Variants in CCBE1 observed in about 807,000 individuals in gnomAD.
CCBE1 encodes collagen and calcium-binding EGF domain-containing protein 1.
Under a neutral mutation model 50.0 loss-of-function variants are expected in CCBE1, and 37 were observed. That is an observed-to-expected ratio of 0.74 (90% CI 0.57 to 0.97). The LOEUF (loss-of-function observed/expected upper bound fraction) is 0.97, where lower values mean the gene tolerates loss of function less well. CCBE1 is among the 50% of genes least tolerant of loss of function. The pLI, the probability that CCBE1 is intolerant of heterozygous loss-of-function variation, is 0.00. For missense variants in CCBE1, 538 were observed against 523.8 expected (o/e 1.03, Z -0.26); for synonymous variants, 234 against 203.7 (o/e 1.15, Z -1.27).
At chr18:59,655,961 C>T (rs560451441) in intron 2 of CCBE1, among the ~76,000 whole-genome samples, 1 of 152,338 alleles carries the variant, frequency 6.6e-6, no homozygotes, top group South Asian at 2.1e-4. Context: ...TTTCACAAAC[C>T]TGTAAATAAC....
chr18:59,467,487 G>A (rs867658281), intron 4 of CCBE1, among the ~76,000 whole-genome samples: 1 of 152,096 alleles, frequency 6.6e-6, no homozygotes, highest in Middle Eastern at 3.2e-3. Flanking sequence ...GTCTTCCCCA[G>A]GAAATTTCTG....
rs74332071 is a variant in CCBE1, at chr18:59,454,207, T to C, written c.654+644A>G. The stretch of plus-strand genomic sequence containing the variant: ...AGGCACATGTATTCCCTAAGGCACA[T>C]AGATTATTTCCATAATCTATGGACT... On this transcript the variant is annotated intron_variant, in intron 6 of 10. Transcript: ENST00000439986. Among the ~76,000 whole-genome samples, 1,760 of 152,302 alleles carry C rather than the reference T, an allele frequency of 0.012. 119 individuals are homozygous for C. In the East Asian group the frequency reaches 0.21, roughly 18 times the overall value.
chr18:59,562,720 G>A (rs1258474565), intron 2 of CCBE1, among the ~76,000 whole-genome samples: 1 of 152,118 alleles, frequency 6.6e-6, no homozygotes, highest in African/African-American at 2.4e-5. Flanking sequence ...TGAACTACTG[G>A]CACACCCCCT....
At chr18:59,489,541 G>A (rs928696719) in intron 2 of CCBE1, among the ~76,000 whole-genome samples, 3 of 152,076 alleles carry the variant, frequency 2.0e-5, no homozygotes, top group African/African-American at 7.2e-5. Context: ...AGTCTCCCAA[G>A]TAGCTGGGAT....
chr18:59,498,853 A>G (rs537696081), intron 2 of CCBE1, among the ~76,000 whole-genome samples: 2 of 152,312 alleles, frequency 1.3e-5, no homozygotes, highest in Admixed American at 6.5e-5. Flanking sequence ...CCTTTCAGTT[A>G]TATTATTAAC....
chr18:59,576,628 T>C (rs1039436802), intron 2 of CCBE1, among the ~76,000 whole-genome samples: 2 of 152,194 alleles, frequency 1.3e-5, no homozygotes, highest in African/African-American at 4.8e-5. Flanking sequence ...TTTTGCTGCC[T>C]CCCCTACAAC....
At chr18:59,483,679 A>G (rs554132056) in intron 2 of CCBE1, among the ~76,000 whole-genome samples, 30 of 152,344 alleles carry the variant, frequency 2.0e-4, no homozygotes, top group African/African-American at 7.2e-4. Context: ...GGTAACAGAA[A>G]TTCTGAAGCA....
chr18:59,569,657 G>C (rs767874138), intron 2 of CCBE1, among the ~76,000 whole-genome samples: 1 of 151,622 alleles, frequency 6.6e-6, no homozygotes, highest in Admixed American at 6.6e-5. Flanking sequence ...AAGAGACAGG[G>C]TCTTGCTCTG....
chr18:59,504,766 C>A (rs1196507690), intron 2 of CCBE1, among the ~76,000 whole-genome samples: 1 of 152,164 alleles, frequency 6.6e-6, no homozygotes, highest in African/African-American at 2.4e-5. Flanking sequence ...ATTCTGCCCA[C>A]CCTTCAGATT....
intron 2 of CCBE1, among the ~76,000 whole-genome samples, chr18:59,505,895 T>A (rs1356607604): frequency 6.6e-6 from 1 of 152,144 alleles, no homozygotes; most frequent in Non-Finnish European, 1.5e-5. Context: ...ATTAGGGTAA[T>A]TTAAAGAAGG....
intron 2 of CCBE1, among the ~76,000 whole-genome samples, chr18:59,647,542 C>G (rs188540500): frequency 2.0e-3 from 297 of 152,222 alleles, no homozygotes; most frequent in Admixed American, 3.7e-3. Context: ...AGGCTTATTC[C>G]TAACAACTGG....
intron 2 of CCBE1, among the ~76,000 whole-genome samples, chr18:59,639,155 C>A (rs1016112301): frequency 6.6e-6 from 1 of 152,130 alleles, no homozygotes; most frequent in Non-Finnish European, 1.5e-5. Context: ...CACCTGCAGT[C>A]CCAGGAGTGG....
intron 2 of CCBE1, among the ~76,000 whole-genome samples, chr18:59,582,229 C>A (rs1188438032): frequency 6.6e-6 from 1 of 152,148 alleles, no homozygotes; most frequent in East Asian, 1.9e-4. Context: ...TTCACCGCCA[C>A]CTCTCCCCCG....
chr18:59,434,641 TAAATC>T lies in CCBE1; in HGVS notation c.*1262_*1266del, dbSNP rs1343048900. The T allele has an allele frequency of 6.6e-6, 1 of 151,902 alleles. No homozygotes were observed. The highest frequency in any genetic ancestry group is 1.5e-5 in the Non-Finnish European group (1 of 67,964). The allele number at this position is 151,902 out of a possible 1,614,324, so 9.4% of individuals were successfully genotyped here. ...ACTGCTTCTCACATGCAGGGGAAAA[TAAATC>T]AAAGAGAAGGCCTAAAAGAACTGGA... On this transcript the variant is annotated 3_prime_UTR_variant, in exon 11 of 11. Coordinates refer to ENST00000439986, the MANE Select transcript of CCBE1 (RefSeq NM_133459.4).
intron 2 of CCBE1, among the ~76,000 whole-genome samples, chr18:59,556,076 G>A (rs1182504598): frequency 6.6e-6 from 1 of 152,210 alleles, no homozygotes; most frequent in African/African-American, 2.4e-5. Flanking sequence ...AAGCTCCCAT[G>A]TCAGCCTTAA....
At chr18:59,611,731 G>C (rs920399290) in intron 2 of CCBE1, among the ~76,000 whole-genome samples, 6 of 151,936 alleles carry the variant, frequency 3.9e-5, no homozygotes, top group African/African-American at 1.2e-4. Context: ...GGGCAACAGA[G>C]TGCAACTCTG....
At chr18:59,492,165 A>G (rs1913140146) in intron 2 of CCBE1, among the ~76,000 whole-genome samples, 1 of 151,056 alleles carries the variant, frequency 6.6e-6, no homozygotes, top group Non-Finnish European at 1.5e-5. Flanking sequence ...AAAAAAAAAA[A>G]AAAGAAAAGC....
At chr18:59,565,540 C>T (rs1006181147) in intron 2 of CCBE1, among the ~76,000 whole-genome samples, 1 of 152,352 alleles carries the variant, frequency 6.6e-6, no homozygotes, top group South Asian at 2.1e-4. Flanking sequence ...AGGCCTACTG[C>T]ACATAGTGCC....
At chr18:59,682,158 T>G (rs777774713) in intron 2 of CCBE1, among the ~76,000 whole-genome samples, 1 of 152,152 alleles carries the variant, frequency 6.6e-6, no homozygotes, top group Non-Finnish European at 1.5e-5. Context: ...GGTCTAGAAA[T>G]CGAGACCATC....
Sources: allele counts gnomAD v4.1 joint callset (sites outside exome capture counted in the v4.1 genomes callset), GRCh38; gene constraint gnomAD v4.1.1; transcripts MANE v1.5; gene names NCBI Gene and HGNC (gene_info 2026-07-23, HGNC 2026-07-21).